The following ZNF385D variants were observed in gnomAD, a reference collection of about 807,000 sequenced individuals.
The protein encoded by ZNF385D is zinc finger protein 659.
A neutral mutation model predicts 35.8 loss-of-function variants in ZNF385D; 15 were observed. The observed-to-expected ratio is 0.42, with a 90% CI of 0.28 to 0.64. The LOEUF is 0.64. Ranked by LOEUF, ZNF385D falls within the 30% of genes least tolerant of loss-of-function variation. The pLI, the probability that ZNF385D is intolerant of heterozygous loss-of-function variation, is 0.23. For synonymous variants in ZNF385D, 212 were observed against 186.8 expected, an observed-to-expected ratio of 1.13 and a Z score of -1.10; for missense variants, 474 against 494.6, an observed-to-expected ratio of 0.96 and a Z score of 0.39.
intron 2 of ZNF385D, among the ~76,000 whole-genome samples, chr3:21,644,300 C>A (rs1434688711): frequency 6.6e-6 from 1 of 152,060 alleles, no homozygotes; most frequent in East Asian, 1.9e-4. Context: ...TAATTATTTA[C>A]CCAGTTATTC....
chr3:21,945,155 T>C (rs562732049), intron 3 of ZNF385D, among the ~76,000 whole-genome samples: 5 of 94,038 alleles, frequency 5.3e-5, no homozygotes, highest in South Asian at 5.7e-4. Context: ...CATATATATA[T>C]ACACACACAT....
chr3:22,281,695 TA>T (rs1701749900), intron 2 of ZNF385D, among the ~76,000 whole-genome samples: 1 of 151,972 alleles, frequency 6.6e-6, no homozygotes. Flanking sequence ...CACTGGTGTG[TA>T]CTTTTCTTTT....
chr3:21,967,896 T>C (rs572382189), intron 3 of ZNF385D, among the ~76,000 whole-genome samples: 1 of 152,288 alleles, frequency 6.6e-6, no homozygotes, highest in South Asian at 2.1e-4. Context: ...ACCACCACCA[T>C]AAGAACTAAA....
intron 5 of ZNF385D, among the ~76,000 whole-genome samples, chr3:21,428,411 G>C (rs1316112913): frequency 6.6e-6 from 1 of 152,086 alleles, no homozygotes; most frequent in Non-Finnish European, 1.5e-5. Flanking sequence ...CTGGCAGAAA[G>C]AAAGGAGATT....
rs577087002 is a variant in ZNF385D, at chr3:21,639,937, A to C, written c.165+24949T>G. Among the ~76,000 whole-genome samples the C allele has an allele frequency of 5.3e-5, 8 of 152,210 alleles. No individual in the cohort carries two copies. In the East Asian group the frequency reaches 1.5e-3, roughly 29 times the overall value. ...ATTTCAGACATAGTTTTATTATATA[A>C]GAAACAATCCAAAGACACTTTTAGG... On this transcript the variant is annotated intron_variant, in intron 2 of 7. Transcript: ENST00000281523.
At chr3:22,216,441 T>C (rs1250940509) in intron 2 of ZNF385D, among the ~76,000 whole-genome samples, 1 of 152,046 alleles carries the variant, frequency 6.6e-6, no homozygotes, top group Non-Finnish European at 1.5e-5. Flanking sequence ...ATGATGGCAG[T>C]GGTGCTGGAA....
intron 2 of ZNF385D, among the ~76,000 whole-genome samples, chr3:22,348,692 GA>G (rs1468086858): frequency 6.8e-6 from 1 of 146,018 alleles, no homozygotes; most frequent in African/African-American, 2.5e-5. Flanking sequence ...GGAAGGGAGG[GA>G]GGGAGGGAGG....
chr3:21,897,632 G>A (rs1464647859), intron 3 of ZNF385D, among the ~76,000 whole-genome samples: 1 of 152,136 alleles, frequency 6.6e-6, no homozygotes, highest in Non-Finnish European at 1.5e-5. Context: ...ACATCAAACA[G>A]ATTTTTTTTT....
At chr3:21,723,444 A>G (rs1326954766) in intron 1 of ZNF385D, among the ~76,000 whole-genome samples, 1 of 152,218 alleles carries the variant, frequency 6.6e-6, no homozygotes, top group Non-Finnish European at 1.5e-5. Context: ...TAACCAGTTT[A>G]GAGAAGAACA....
At chr3:22,093,631 G>T (rs1701447130) in intron 3 of ZNF385D, among the ~76,000 whole-genome samples, 1 of 152,012 alleles carries the variant, frequency 6.6e-6, no homozygotes, top group African/African-American at 2.4e-5. Flanking sequence ...AAATAAGAAA[G>T]ATTGTGATCA....
intron 2 of ZNF385D, among the ~76,000 whole-genome samples, chr3:22,357,480 T>C (rs1478371985): frequency 1.3e-5 from 2 of 151,932 alleles, no homozygotes; most frequent in African/African-American, 2.4e-5. Flanking sequence ...AGTGCAGATA[T>C]AAATTCTTGG....
At chr3:21,496,154 T>C (rs1441370119) in intron 4 of ZNF385D, among the ~76,000 whole-genome samples, 7 of 151,694 alleles carry the variant, frequency 4.6e-5, no homozygotes, top group Admixed American at 4.6e-4. Flanking sequence ...ACTGAAACTC[T>C]TCTAAAAAAC....
chr3:21,868,084 T>C (rs2125841700), intron 3 of ZNF385D, among the ~76,000 whole-genome samples: 1 of 152,270 alleles, frequency 6.6e-6, no homozygotes, highest in African/African-American at 2.4e-5. Context: ...TGCTAGGTTC[T>C]GTGTTAAGAA....
At chr3:22,050,198 T>A (rs553189175) in intron 3 of ZNF385D, among the ~76,000 whole-genome samples, 11 of 139,218 alleles carry the variant, frequency 7.9e-5, no homozygotes, top group Admixed American at 4.3e-4. Context: ...AGATTGGGTT[T>A]AAAAAAAAAA....
intron 3 of ZNF385D, among the ~76,000 whole-genome samples, chr3:22,061,735 C>T (rs1431507521): frequency 2.6e-5 from 4 of 152,140 alleles, no homozygotes; most frequent in Non-Finnish European, 5.9e-5. Flanking sequence ...TCTTTCCTTC[C>T]TCTCCCTTTG....
intron 2 of ZNF385D, chr3:21,579,343 A>G (rs1001232122): frequency 1.3e-5 from 2 of 152,198 alleles, no homozygotes; most frequent in Non-Finnish European, 2.9e-5. Flanking sequence ...AACGTGGGTC[A>G]AATGTTGAAA....
chr3:21,719,454 G>C (rs79003092), intron 1 of ZNF385D, among the ~76,000 whole-genome samples: 22,263 of 152,132 alleles, frequency 0.15, 2,116 homozygotes, highest in South Asian at 0.26. Flanking sequence ...TCAAGCAAAG[G>C]TATCTCCAGT....
intron 3 of ZNF385D, among the ~76,000 whole-genome samples, chr3:21,556,718 T>C (rs7613175): frequency 0.68 from 103,272 of 151,880 alleles, 35,869 homozygotes; most frequent in African/African-American, 0.83. Context: ...TGAAGAGAGT[T>C]AATGGTAGCT....
chr3:22,112,879 G>C (rs142309682), intron 3 of ZNF385D, among the ~76,000 whole-genome samples: 57 of 152,164 alleles, frequency 3.7e-4, no homozygotes, highest in African/African-American at 1.2e-3. Context: ...ACCCAGTTCA[G>C]GTCCACTTCA....
Sources: allele counts gnomAD v4.1 joint callset (sites outside exome capture counted in the v4.1 genomes callset), GRCh38; gene constraint gnomAD v4.1.1; transcripts MANE v1.5; gene names NCBI Gene and HGNC (gene_info 2026-07-23, HGNC 2026-07-21).